RBFOX1: variants seen among roughly 807,000 people sequenced by gnomAD.
The protein encoded by RBFOX1 is RNA binding fox-1 homolog 1, also known as RNA binding protein fox-1 homolog 1.
RBFOX1 carries 8 observed loss-of-function variants against 57.7 expected under a neutral mutation model. That is an observed-to-expected ratio of 0.14 (90% CI 0.08 to 0.25). The LOEUF is 0.25. Among genes scored for constraint, RBFOX1 ranks in the 10% least tolerant of loss-of-function variants. The pLI is 1.00. For missense variants in RBFOX1, 611 were observed against 548.5 expected (o/e 1.11, Z -1.14); for synonymous variants, 326 against 222.4 (o/e 1.47, Z -4.15).
intron 4 of RBFOX1, among the ~76,000 whole-genome samples, chr16:7,452,983 G>T (rs560337641): frequency 6.6e-6 from 1 of 151,998 alleles, no homozygotes; most frequent in African/African-American, 2.4e-5. Flanking sequence ...ACAAAAATTA[G>T]CAGGGCATGG....
At chr16:5,621,835 T>C (rs2048209820) in intron 3 of RBFOX1, among the ~76,000 whole-genome samples, 1 of 152,178 alleles carries the variant, frequency 6.6e-6, no homozygotes, top group South Asian at 2.1e-4. Context: ...TCCAGGTACA[T>C]ATTTTTGCAC....
intron 2 of RBFOX1, among the ~76,000 whole-genome samples, chr16:6,602,048 T>C (rs577890702): frequency 2.0e-5 from 3 of 152,224 alleles, no homozygotes; most frequent in Admixed American, 2.0e-4. Context: ...AACAAAGGCG[T>C]CCTATTTCTC....
At chr16:7,394,640 G>A (rs748654496) in intron 4 of RBFOX1, among the ~76,000 whole-genome samples, 3 of 152,152 alleles carry the variant, frequency 2.0e-5, no homozygotes, top group Non-Finnish European at 4.4e-5. Context: ...CTGGATTCTC[G>A]ATCACCACCT....
intron 4 of RBFOX1, among the ~76,000 whole-genome samples, chr16:7,071,473 A>G (rs2057320930): frequency 6.6e-6 from 1 of 152,046 alleles, no homozygotes; most frequent in Non-Finnish European, 1.5e-5. Context: ...CATACATATT[A>G]TATTTTATGT....
intron 4 of RBFOX1, among the ~76,000 whole-genome samples, chr16:7,270,232 C>G (rs2095284778): frequency 6.6e-6 from 1 of 152,176 alleles, no homozygotes; most frequent in African/African-American, 2.4e-5. Flanking sequence ...AGGACCTTCT[C>G]AGTTAGGTGT....
chr16:7,215,327 C>G (rs1012016045), intron 4 of RBFOX1, among the ~76,000 whole-genome samples: 1 of 152,302 alleles, frequency 6.6e-6, no homozygotes, highest in South Asian at 2.1e-4. Context: ...GGTATATACT[C>G]AAAGTATTAT....
At chr16:6,380,523 A>C (rs1351001204) in intron 2 of RBFOX1, among the ~76,000 whole-genome samples, 1 of 145,402 alleles carries the variant, frequency 6.9e-6, no homozygotes, top group Non-Finnish European at 1.5e-5. Context: ...CACAGAAAGG[A>C]AGGTGAGTTG....
At chr16:7,051,993 T>G in intron 3 of RBFOX1, 64 bp from the exon 4 acceptor site, 1 of 1,578,588 alleles carries the variant, frequency 6.3e-7, no homozygotes, top group Non-Finnish European at 8.6e-7. Flanking sequence ...ACTTTCTGTT[T>G]TCTTTCATGT....
intron 4 of RBFOX1, among the ~76,000 whole-genome samples, chr16:5,892,212 C>G (rs941881714): frequency 6.6e-6 from 1 of 152,074 alleles, no homozygotes; most frequent in Admixed American, 6.5e-5. Flanking sequence ...AGGTACACAG[C>G]AGCGTGAATG....
chr16:6,113,848 G>A (rs2096470741), intron 1 of RBFOX1, among the ~76,000 whole-genome samples: 2 of 152,168 alleles, frequency 1.3e-5, no homozygotes, highest in Non-Finnish European at 2.9e-5. Flanking sequence ...TTATTCCACT[G>A]CCAGGCCGTT....
intron 3 of RBFOX1, among the ~76,000 whole-genome samples, chr16:6,672,103 C>T (rs1053636982): frequency 6.6e-6 from 1 of 152,200 alleles, no homozygotes; most frequent in Non-Finnish European, 1.5e-5. Flanking sequence ...ACCGTAGGTC[C>T]ATCTCACCTA....
At chr16:7,203,077 C>T (rs1456231056) in intron 4 of RBFOX1, among the ~76,000 whole-genome samples, 1 of 152,180 alleles carries the variant, frequency 6.6e-6, no homozygotes. Context: ...TGAGCCACTG[C>T]ACCCAGCCAA....
intron 2 of RBFOX1, among the ~76,000 whole-genome samples, chr16:5,533,742 G>A (rs566496740): frequency 4.6e-5 from 7 of 152,142 alleles, no homozygotes; most frequent in Non-Finnish European, 1.0e-4. Context: ...CAAGGTTACC[G>A]GGGAAATCTG....
chr16:7,067,464 A>G (rs901919962), intron 4 of RBFOX1, among the ~76,000 whole-genome samples: 11 of 147,316 alleles, frequency 7.5e-5, no homozygotes, highest in African/African-American at 2.8e-4. Flanking sequence ...TTTTTTTATC[A>G]TTCTGATTGC....
intron 2 of RBFOX1, among the ~76,000 whole-genome samples, chr16:6,470,398 A>C (rs2095146493): frequency 6.6e-6 from 1 of 152,260 alleles, no homozygotes; most frequent in African/African-American, 2.4e-5. Flanking sequence ...CTGATGGCAC[A>C]GTTTTATCAT....
At chr16:7,475,162 T>C (rs2062386876) in intron 4 of RBFOX1, among the ~76,000 whole-genome samples, 1 of 152,168 alleles carries the variant, frequency 6.6e-6, no homozygotes, top group Admixed American at 6.5e-5. Flanking sequence ...GAGACATCTC[T>C]GTTCCTTTTA....
At chr16:5,575,540 C>A (rs1462585662) in intron 2 of RBFOX1, among the ~76,000 whole-genome samples, 1 of 152,230 alleles carries the variant, frequency 6.6e-6, no homozygotes, top group Non-Finnish European at 1.5e-5. Context: ...TGACAGTACA[C>A]TGCCTGGCAT....
At chr16:7,102,610 G>C (rs1025880010) in intron 4 of RBFOX1, among the ~76,000 whole-genome samples, 6 of 152,136 alleles carry the variant, frequency 3.9e-5, no homozygotes, top group African/African-American at 9.7e-5. Context: ...GATTGGGTCT[G>C]ACATTGCACT....
intron 2 of RBFOX1, among the ~76,000 whole-genome samples, chr16:6,514,047 A>G (rs943130079): frequency 6.6e-6 from 1 of 152,168 alleles, no homozygotes. Context: ...CAAGGCATGA[A>G]CTGTGTTGCT....
Sources: allele counts gnomAD v4.1 joint callset (sites outside exome capture counted in the v4.1 genomes callset), GRCh38; gene constraint gnomAD v4.1.1; transcripts MANE v1.5; gene names NCBI Gene and HGNC (gene_info 2026-07-23, HGNC 2026-07-21).